Variants in MIPOL1 observed in about 807,000 individuals in gnomAD.
MIPOL1 encodes the protein mirror-image polydactyly gene 1 protein.
A neutral mutation model predicts 60.9 loss-of-function variants in MIPOL1; 57 were observed. The ratio of observed to expected loss-of-function variants is 0.94; its 90% CI spans 0.76 to 1.17. The LOEUF (loss-of-function observed/expected upper bound fraction) is 1.17. Among genes scored for constraint, MIPOL1 ranks in the 50% most tolerant of loss-of-function variants. The pLI is 0.00. For synonymous variants in MIPOL1, 179 were observed against 168.8 expected (o/e 1.06, Z -0.47); for missense variants, 551 against 511.6 (o/e 1.08, Z -0.74).
At chr14:37,380,267 C>T (rs958578375) in intron 10 of MIPOL1, among the ~76,000 whole-genome samples, 1 of 152,098 alleles carries the variant, frequency 6.6e-6, no homozygotes, top group African/African-American at 2.4e-5. Context: ...GCGTTCTGTT[C>T]CCTTGCCAGC....
At chr14:37,475,636 G>A (rs903814342) in intron 11 of MIPOL1, among the ~76,000 whole-genome samples, 6 of 151,764 alleles carry the variant, frequency 4.0e-5, no homozygotes, top group African/African-American at 1.2e-4. Flanking sequence ...ATTTTTTCAT[G>A]TGGATATCCA....
intron 9 of MIPOL1, among the ~76,000 whole-genome samples, chr14:37,311,093 G>GA (rs1283587937): frequency 4.6e-5 from 7 of 152,040 alleles, no homozygotes; most frequent in Non-Finnish European, 1.0e-4. Context: ...CTCTCAGGGG[G>GA]AAAAAATAAC....
At chr14:37,263,220 T>C (rs1399568737) in intron 3 of MIPOL1, among the ~76,000 whole-genome samples, 1 of 152,148 alleles carries the variant, frequency 6.6e-6, no homozygotes, top group Non-Finnish European at 1.5e-5. Context: ...CAGTTAACAA[T>C]ACTGACACCT....
intron 12 of MIPOL1, among the ~76,000 whole-genome samples, chr14:37,510,396 T>G (rs1276047269): frequency 1.3e-5 from 2 of 151,996 alleles, no homozygotes; most frequent in African/African-American, 2.4e-5. Flanking sequence ...TTTGGTGTTT[T>G]TTTTGTTTTG....
intron 11 of MIPOL1, among the ~76,000 whole-genome samples, chr14:37,489,665 A>G (rs908388296): frequency 1.3e-5 from 2 of 152,094 alleles, no homozygotes; most frequent in East Asian, 1.9e-4. Flanking sequence ...TGTTGATGCT[A>G]TCCCTTTCTG....
chr14:37,506,379 A>G (rs2095276524), intron 12 of MIPOL1: 2 of 152,258 alleles, frequency 1.3e-5, no homozygotes, highest in Admixed American at 1.3e-4. Flanking sequence ...CCAAAACAGC[A>G]TGGTACTGGT....
At chr14:37,267,630 T>C (rs1042654815) in intron 4 of MIPOL1, among the ~76,000 whole-genome samples, 3 of 152,210 alleles carry the variant, frequency 2.0e-5, no homozygotes, top group Admixed American at 2.0e-4. Context: ...GGTTTTCTAC[T>C]GTTTCCATGG....
intron 12 of MIPOL1, among the ~76,000 whole-genome samples, chr14:37,519,671 A>G (rs1024526323): frequency 2.0e-5 from 3 of 152,034 alleles, no homozygotes; most frequent in Non-Finnish European, 4.4e-5. Flanking sequence ...TTACAGGGGA[A>G]AAAAAAGACT....
At chr14:37,460,885 T>C (rs1343446066) in intron 11 of MIPOL1, among the ~76,000 whole-genome samples, 1 of 152,184 alleles carries the variant, frequency 6.6e-6, no homozygotes, top group Non-Finnish European at 1.5e-5. Context: ...CATGCCATGT[T>C]CATGGATCAA....
At chr14:37,525,953 G>A (rs1276544500) in intron 12 of MIPOL1, among the ~76,000 whole-genome samples, 1 of 152,060 alleles carries the variant, frequency 6.6e-6, no homozygotes, top group Non-Finnish European at 1.5e-5. Flanking sequence ...GTTCCTCTAT[G>A]GTGTGTATTG....
At chr14:37,488,914 T>C (rs561637179) in intron 11 of MIPOL1, among the ~76,000 whole-genome samples, 3 of 152,286 alleles carry the variant, frequency 2.0e-5, no homozygotes, top group Non-Finnish European at 4.4e-5. Flanking sequence ...TGATTATGTG[T>C]CTTGGGGTTG....
intron 9 of MIPOL1, among the ~76,000 whole-genome samples, chr14:37,365,444 T>A (rs2092437932): frequency 6.6e-6 from 1 of 152,196 alleles, no homozygotes; most frequent in Non-Finnish European, 1.5e-5. Flanking sequence ...TCAAATGCAT[T>A]TTCAGCATCT....
intron 9 of MIPOL1, among the ~76,000 whole-genome samples, chr14:37,331,134 A>G (rs2089647261): frequency 6.6e-6 from 1 of 151,670 alleles, no homozygotes; most frequent in Non-Finnish European, 1.5e-5. Context: ...TGATTGCCAT[A>G]GCTTTGTAGC....
chr14:37,267,488 GAA>G (rs59427990), intron 4 of MIPOL1, among the ~76,000 whole-genome samples: 1 of 144,718 alleles, frequency 6.9e-6, no homozygotes, highest in East Asian at 2.0e-4. Flanking sequence ...ATTGTCTGAA[GAA>G]AAAAAAAAAA....
At chr14:37,373,124 C>T (rs1370848648) in intron 10 of MIPOL1, among the ~76,000 whole-genome samples, 3 of 152,076 alleles carry the variant, frequency 2.0e-5, no homozygotes, top group Non-Finnish European at 2.9e-5. Flanking sequence ...CGGCCTCAGC[C>T]TCCTGAGTAG....
At chr14:37,358,472 AT>A (rs2091998612) in intron 9 of MIPOL1, among the ~76,000 whole-genome samples, 1 of 152,116 alleles carries the variant, frequency 6.6e-6, no homozygotes, top group African/African-American at 2.4e-5. Flanking sequence ...AAGCGTTCCT[AT>A]TTCTCCACAT....
intron 11 of MIPOL1, among the ~76,000 whole-genome samples, chr14:37,450,566 G>A (rs12896760): frequency 0.22 from 33,663 of 151,884 alleles, 4,355 homozygotes; most frequent in South Asian, 0.36. Flanking sequence ...TCATAAGGAG[G>A]TGTCTAGGAA....
rs757515638 is a variant in MIPOL1 at position 37,308,372 on chromosome 14, A to T, written c.681A>T (p.Arg227Ser). 3 of 1,581,114 alleles carry T rather than the reference A, an allele frequency of 1.9e-6. No homozygotes were observed. The East Asian group carries it at 6.8e-5, about 36-fold the overall frequency. Residue 227 changes from arginine to serine, a missense_variant, in exon 9 of 13, where the codon AGA becomes AGT. Coordinates refer to ENST00000684589, the MANE Select transcript of MIPOL1 (RefSeq NM_001388067.1). ...NDMTLQELLNRINNADTGIAI... is the reference protein window; with the variant it reads ...NDMTLQELLNSINNADTGIAI... Reference sequence around the variant, plus strand: ...AGACATTACAGGAATTACTGAACAGAATAAACAATGCAGACACAGGGATAG... The same window carrying T: ...AGACATTACAGGAATTACTGAACAGTATAAACAATGCAGACACAGGGATAG...
chr14:37,268,713 G>A lies in MIPOL1; in HGVS notation c.307G>A (p.Val103Ile), dbSNP rs776418618. ...MHYECMTPCQVTSDSDKEKTI... is the reference protein window; with the variant it reads ...MHYECMTPCQITSDSDKEKTI... Reference sequence around the variant, plus strand: ...TTATGAATGTATGACTCCTTGTCAAGTTACTTCAGACTCAGATAAAGAGAA... The same window carrying A: ...TTATGAATGTATGACTCCTTGTCAAATTACTTCAGACTCAGATAAAGAGAA... Residue 103 changes from valine (V) to isoleucine (I), a missense_variant, in exon 5 of 13, where the codon GTT becomes ATT. By Grantham distance (29) the Val-to-Ile change is conservative. Coordinates refer to ENST00000684589, the MANE Select transcript of MIPOL1 (RefSeq NM_001388067.1). The A allele has an allele frequency of 4.4e-6, 7 of 1,602,182 alleles. No individual in the cohort carries two copies. Among genetic ancestry groups the A allele is most frequent in the African/African-American group, 1.3e-5 (1 of 74,466 alleles).
Sources: allele counts gnomAD v4.1 joint callset (sites outside exome capture counted in the v4.1 genomes callset), GRCh38; gene constraint gnomAD v4.1.1; transcripts MANE v1.5; gene names NCBI Gene and HGNC (gene_info 2026-07-23, HGNC 2026-07-21).